The following TTBK2 variants were observed in gnomAD, a reference collection of about 807,000 sequenced individuals.
The protein encoded by TTBK2 is tau tubulin kinase 2, also known as tau-tubulin kinase 2.
TTBK2 carries 28 observed loss-of-function variants against 110.8 expected under a neutral mutation model. The ratio of observed to expected loss-of-function variants is 0.25; its 90% confidence interval spans 0.19 to 0.35. TTBK2 has a LOEUF of 0.35. TTBK2 is among the 10% of genes least tolerant of loss of function. The pLI is 1.00. For synonymous variants in TTBK2, 532 were observed against 527.3 expected (o/e 1.01, Z -0.12); for missense variants, 1,369 against 1,500.3 (o/e 0.91, Z 1.45).
At position 42,745,730 on chromosome 15, in the gene TTBK2, G is replaced by T; in HGVS notation, c.*65C>A. The T allele has an allele frequency of 6.4e-7, 1 of 1,568,104 alleles. No individual in the cohort carries two copies. The highest frequency in any genetic ancestry group is 1.1e-5 in the South Asian group (1 of 89,890). On this transcript the variant is annotated 3_prime_UTR_variant, in exon 15 of 15. Coordinates refer to ENST00000267890, the MANE Select transcript of TTBK2 (RefSeq NM_173500.4). Reference sequence around the variant, plus strand: ...CTGATTTTTTTACATAGAAAGTACAGGGACACACATGCATCAGGTTTAGGA... The same window carrying T: ...CTGATTTTTTTACATAGAAAGTACATGGACACACATGCATCAGGTTTAGGA...
intron 1 of TTBK2, among the ~76,000 whole-genome samples, chr15:42,893,045 C>A (rs1026916330): frequency 7.4e-5 from 11 of 148,258 alleles, no homozygotes; most frequent in South Asian, 4.3e-4. Context: ...AGAAAAAAAA[C>A]CAAAATGTTT....
chr15:42,794,959 AGAT>A, intron 9 of TTBK2, 158 bp from the exon 10 acceptor site: 1 of 793,188 alleles, frequency 1.3e-6, no homozygotes, highest in Non-Finnish European at 2.1e-6. Context: ...AACTATATGT[AGAT>A]GATGATAGTG....
chr15:42,872,121 C>T lies in TTBK2; in HGVS notation c.217+490G>A, dbSNP rs111339056. 6.0e-3 allele frequency among the ~76,000 whole-genome samples: 916 copies of T among 152,108 alleles called. 10 individuals are homozygous for T. Among genetic ancestry groups the T allele is most frequent in the African/African-American group, 0.021 (867 of 41,508 alleles). ...ACGGACTTCAAAAATGACGACAGGG[C>T]CAGAAACAGTTATTCTCTGAAACTG... On this transcript the variant is annotated intron_variant, in intron 3 of 14. Coordinates refer to ENST00000267890, the MANE Select transcript of TTBK2 (RefSeq NM_173500.4).
At chr15:42,906,016 C>A (rs2030370282) in intron 1 of TTBK2, among the ~76,000 whole-genome samples, 2 of 152,102 alleles carry the variant, frequency 1.3e-5, no homozygotes, top group Admixed American at 1.3e-4. Flanking sequence ...TGGAGAAACC[C>A]TGTCTCTACT....
At chr15:42,847,446 T>A (rs1195347664) in intron 3 of TTBK2, among the ~76,000 whole-genome samples, 4 of 152,212 alleles carry the variant, frequency 2.6e-5, no homozygotes, top group African/African-American at 9.7e-5. Flanking sequence ...AATTATCAAT[T>A]TTTTAATTTT....
intron 2 of TTBK2, among the ~76,000 whole-genome samples, chr15:42,874,318 T>A (rs995117028): frequency 4.6e-5 from 7 of 151,974 alleles, no homozygotes; most frequent in South Asian, 2.1e-4. Context: ...TTATTTTTTT[T>A]ATTTTTTTAT....
rs552825647 is a variant in TTBK2 at position 42,804,270 on chromosome 15, C to A, written c.822+6344G>T. Among the ~76,000 whole-genome samples, 259 of 151,996 alleles carry A rather than the reference C, an allele frequency of 1.7e-3. 1 individual carries two copies. Among genetic ancestry groups the A allele is most frequent in the African/African-American group, 6.1e-3 (253 of 41,452 alleles). On this transcript the variant is annotated intron_variant, in intron 9 of 14. Coordinates refer to ENST00000267890, the MANE Select transcript of TTBK2 (RefSeq NM_173500.4). ...GACCAGCCTGACCAACATGGTGAAA[C>A]CCCATGTCTACTAAAAATACAAAAT...
chr15:42,849,556 A>C (rs1488849362), intron 3 of TTBK2, among the ~76,000 whole-genome samples: 1 of 151,400 alleles, frequency 6.6e-6, no homozygotes, highest in Non-Finnish European at 1.5e-5. Flanking sequence ...ATGTTATGAG[A>C]CTCTAGGTCT....
Position 42,745,820 on chromosome 15 carries a change from T to C in TTBK2, c.3710A>G (p.Lys1237Arg). 1 of 1,614,110 alleles carries C rather than the reference T, an allele frequency of 6.2e-7. No individual in the cohort carries two copies. The highest frequency in any genetic ancestry group is 1.1e-5 in the South Asian group (1 of 91,082). Residue 1237 changes from lysine to arginine, a missense_variant, in exon 15 of 15, where the codon AAG becomes AGG. By Grantham distance (26) the Lys-to-Arg change is conservative. Transcript: ENST00000267890. ...CTATCTGCTGAGTTTACTGGCTGGC[T>C]TACTCTTCCCTTGGGGGGTTTTAGT... Reference protein sequence around the residue: ...ASTKTPQGKSKPASKLSR With the variant: ...ASTKTPQGKSRPASKLSR
At chr15:42,868,767 C>T (rs1894488097) in intron 3 of TTBK2, among the ~76,000 whole-genome samples, 1 of 151,582 alleles carries the variant, frequency 6.6e-6, no homozygotes, top group Admixed American at 6.6e-5. Context: ...GAGGCTGAGG[C>T]CAGAGGACTG....
chr15:42,794,968 T>C, intron 9 of TTBK2, 167 bp from the exon 10 acceptor site: 6 of 767,766 alleles, frequency 7.8e-6, no homozygotes, highest in South Asian at 6.3e-5. Context: ...TAGATGATGA[T>C]AGTGAATTAA....
chr15:42,892,907 G>A (rs1018358675), intron 1 of TTBK2, among the ~76,000 whole-genome samples: 2 of 151,122 alleles, frequency 1.3e-5, no homozygotes, highest in Non-Finnish European at 2.9e-5. Context: ...CTACCTGGGA[G>A]GCTGAGGCAG....
At position 42,872,507 on chromosome 15, in the gene TTBK2, A is replaced by G. The variant is rs1415083983; in HGVS notation, c.217+104T>C. 8 of 1,363,172 alleles carry G rather than the reference A, an allele frequency of 5.9e-6. No individual in the cohort carries two copies. In the Admixed American group the frequency reaches 1.5e-4, roughly 26 times the overall value. 84.4% of individuals were successfully genotyped at this position (1,363,172 alleles called of 1,614,324 possible). On this transcript the variant is annotated intron_variant, in intron 3 of 14. Coordinates refer to ENST00000267890, the MANE Select transcript of TTBK2 (RefSeq NM_173500.4). ...GTATTTATACCCGGCTGACACCAGTACATTCAATTAGTACTTAAAGAATGT... is the reference window on the plus strand; with the variant it reads ...GTATTTATACCCGGCTGACACCAGTGCATTCAATTAGTACTTAAAGAATGT...
At chr15:42,756,810 T>C (rs982656686) in intron 13 of TTBK2, among the ~76,000 whole-genome samples, 4 of 151,548 alleles carry the variant, frequency 2.6e-5, no homozygotes, top group Non-Finnish European at 5.9e-5. Flanking sequence ...AGGCAGAAGA[T>C]TGCTTGAGCC....
At chr15:42,757,830 T>C (rs2061968777) in intron 13 of TTBK2, among the ~76,000 whole-genome samples, 2 of 152,230 alleles carry the variant, frequency 1.3e-5, no homozygotes, top group Admixed American at 6.5e-5. Context: ...TGTTCTGTAA[T>C]TGTACCATGT....
In TTBK2 at chr15:42,758,654, C is replaced by CAA. The variant is rs59064527; in HGVS notation, c.1999-5409_1999-5408dup. On this transcript the variant is annotated intron_variant, in intron 13 of 14. Coordinates refer to ENST00000267890, the MANE Select transcript of TTBK2 (RefSeq NM_173500.4). ...TGGGTGACAAAGTGAGATTCCATCT[C>CAA]AAAAAAAAAAAAAAAAAAAAAGAAG... Among the ~76,000 whole-genome samples the CAA allele has an allele frequency of 3.7e-3, 246 of 66,354 alleles. 1 individual carries two copies. The highest frequency in any genetic ancestry group is 0.011 in the African/African-American group (223 of 20,238). 43.5% of individuals were successfully genotyped at this position (66,354 alleles called of 152,430 possible).
At chr15:42,816,085 A>AATAT (rs71431870) in intron 7 of TTBK2, among the ~76,000 whole-genome samples, 1,719 of 67,344 alleles carry the variant, frequency 0.026, 35 homozygotes, top group East Asian at 0.044. Context: ...TAAATAAATA[A>AATAT]ATATATATAT....
chr15:42,915,727 G>C (rs2031045115), intron 1 of TTBK2, among the ~76,000 whole-genome samples: 1 of 152,144 alleles, frequency 6.6e-6, no homozygotes, highest in Admixed American at 6.5e-5. Flanking sequence ...TGGGAGGATT[G>C]CTTGAATTCA....
chr15:42,833,247 TAA>T (rs35997543), intron 4 of TTBK2, among the ~76,000 whole-genome samples: 9 of 74,856 alleles, frequency 1.2e-4, no homozygotes, highest in South Asian at 4.7e-4. Flanking sequence ...CCAAATTTTG[TAA>T]AAAAAAAAAA....
Sources: gnomAD v4.1 joint callset for allele counts (sites outside exome capture counted in the v4.1 genomes callset) on GRCh38, gnomAD v4.1.1 for gene constraint, MANE v1.5 for transcripts, NCBI Gene and HGNC (gene_info 2026-07-23, HGNC 2026-07-21) for gene names.